The following MECOM variants were observed in gnomAD, a reference collection of about 807,000 sequenced individuals.
MECOM encodes MDS1 and EVI1 complex locus, also known as histone-lysine N-methyltransferase MECOM.
A neutral mutation model predicts 116.3 loss-of-function variants in MECOM; 13 were observed. The ratio of observed to expected loss-of-function variants is 0.11; its 90% CI spans 0.07 to 0.18. MECOM has a LOEUF of 0.18. Ranked by LOEUF, MECOM falls within the 10% of genes least tolerant of loss-of-function variation. The probability of loss-of-function intolerance (pLI) is 1.00; values close to 1 mark genes in which losing one functional copy is unlikely to be tolerated. For synonymous variants in MECOM, 528 were observed against 535.2 expected (o/e 0.99, Z 0.19); for missense variants, 1,299 against 1,509.0 (o/e 0.86, Z 2.31).
chr3:169,579,667 A>G (rs1764890417), intron 1 of MECOM, among the ~76,000 whole-genome samples: 1 of 152,240 alleles, frequency 6.6e-6, no homozygotes, highest in African/African-American at 2.4e-5. Flanking sequence ...AAGGGAAGAA[A>G]GCACAAAGTA....
chr3:169,638,618 T>G (rs1773097263), intron 1 of MECOM, among the ~76,000 whole-genome samples: 1 of 152,192 alleles, frequency 6.6e-6, no homozygotes, highest in African/African-American at 2.4e-5. Flanking sequence ...TAATAGGCAA[T>G]GGAGGGCTCA....
intron 3 of MECOM, among the ~76,000 whole-genome samples, chr3:169,137,484 A>T (rs1736722383): frequency 1.3e-5 from 2 of 152,080 alleles, no homozygotes; most frequent in Non-Finnish European, 2.9e-5. Context: ...ACTGAACATA[A>T]ATTTGTTCAA....
At chr3:169,238,543 T>C (rs760924820) in intron 2 of MECOM, among the ~76,000 whole-genome samples, 8 of 152,068 alleles carry the variant, frequency 5.3e-5, no homozygotes, top group Non-Finnish European at 1.0e-4. Context: ...ACAGGAACCA[T>C]AAAACCAAAC....
rs566405811 is a variant in MECOM at position 169,620,676 on chromosome 3, C to T, written c.37+42660G>A. 4.6e-5 allele frequency among the ~76,000 whole-genome samples: 7 copies of T among 152,262 alleles called. 1 individual carries two copies. The South Asian group carries it at 1.5e-3, about 32-fold the overall frequency. On this transcript the variant is annotated intron_variant, in intron 1 of 16. Coordinates refer to ENST00000651503, the MANE Select transcript of MECOM (RefSeq NM_004991.4). ...CTAGTGAGGGCAGAATATGAGAGGCCGATAATACCTATTGTTACCTTCGTC... is the reference window on the plus strand; with the variant it reads ...CTAGTGAGGGCAGAATATGAGAGGCTGATAATACCTATTGTTACCTTCGTC...
intron 2 of MECOM, among the ~76,000 whole-genome samples, chr3:169,333,777 C>A (rs922644249): frequency 6.6e-6 from 1 of 151,944 alleles, no homozygotes; most frequent in Non-Finnish European, 1.5e-5. Flanking sequence ...TTCTACATAA[C>A]AACTGTGCTT....
intron 2 of MECOM, among the ~76,000 whole-genome samples, chr3:169,371,097 C>T (rs1173605329): frequency 6.6e-6 from 1 of 151,832 alleles, no homozygotes; most frequent in Non-Finnish European, 1.5e-5. Context: ...TCAACAGTAG[C>T]CAAAATATAG....
intron 1 of MECOM, among the ~76,000 whole-genome samples, chr3:169,407,732 C>T (rs1341519771): frequency 6.6e-6 from 1 of 152,184 alleles, no homozygotes; most frequent in African/African-American, 2.4e-5. Context: ...AAATACCTGT[C>T]TATCTATCCA....
intron 1 of MECOM, among the ~76,000 whole-genome samples, chr3:169,599,448 G>T (rs1767557590): frequency 6.6e-6 from 1 of 150,928 alleles, no homozygotes; most frequent in African/African-American, 2.5e-5. Flanking sequence ...AGGAGGCGGA[G>T]GTTGCAGTGA....
chr3:169,266,012 T>A (rs1230581425), intron 2 of MECOM, among the ~76,000 whole-genome samples: 1 of 152,214 alleles, frequency 6.6e-6, no homozygotes, highest in African/African-American at 2.4e-5. Context: ...CTACTCTGAA[T>A]CCTGTCAAGA....
intron 2 of MECOM, among the ~76,000 whole-genome samples, chr3:169,311,289 A>G (rs937241008): frequency 6.6e-6 from 1 of 152,228 alleles, no homozygotes; most frequent in Non-Finnish European, 1.5e-5. Context: ...TAAGAGAAAA[A>G]AAACTTGGTA....
intron 1 of MECOM, among the ~76,000 whole-genome samples, chr3:169,403,336 G>A (rs937271768): frequency 6.6e-6 from 1 of 152,084 alleles, no homozygotes; most frequent in African/African-American, 2.4e-5. Flanking sequence ...GTAGAAGTTG[G>A]GTTTTATTTA....
At chr3:169,534,713 A>C (rs1240209621) in intron 1 of MECOM, among the ~76,000 whole-genome samples, 1 of 152,198 alleles carries the variant, frequency 6.6e-6, no homozygotes, top group Non-Finnish European at 1.5e-5. Flanking sequence ...TCTACCAACT[A>C]ACACATGCAA....
intron 1 of MECOM, among the ~76,000 whole-genome samples, chr3:169,584,795 T>C (rs147518315): frequency 2.6e-5 from 4 of 152,214 alleles, no homozygotes; most frequent in African/African-American, 9.6e-5. Flanking sequence ...AAAGACTATA[T>C]ATAAAGTGGT....
chr3:169,558,407 C>T (rs1762276615), intron 1 of MECOM, among the ~76,000 whole-genome samples: 1 of 152,192 alleles, frequency 6.6e-6, no homozygotes, highest in Non-Finnish European at 1.5e-5. Flanking sequence ...TCATGGAACC[C>T]TCACCAGTAG....
At chr3:169,495,032 C>A (rs1753643355) in intron 1 of MECOM, among the ~76,000 whole-genome samples, 1 of 152,162 alleles carries the variant, frequency 6.6e-6, no homozygotes, top group South Asian at 2.1e-4. Context: ...CATTTGGTCA[C>A]CATGCTTCTC....
At chr3:169,229,337 C>T (rs1753105744) in intron 2 of MECOM, among the ~76,000 whole-genome samples, 2 of 152,164 alleles carry the variant, frequency 1.3e-5, no homozygotes, top group African/African-American at 4.8e-5. Flanking sequence ...AAATAAGTCA[C>T]AAGAGCATCT....
At chr3:169,201,548 G>C (rs562746865) in intron 2 of MECOM, among the ~76,000 whole-genome samples, 11 of 152,066 alleles carry the variant, frequency 7.2e-5, no homozygotes, top group African/African-American at 2.2e-4. Flanking sequence ...AAAGGAAGAG[G>C]GTTCCAATCA....
chr3:169,475,405 A>G (rs1750192302), intron 1 of MECOM, among the ~76,000 whole-genome samples: 1 of 152,176 alleles, frequency 6.6e-6, no homozygotes, highest in South Asian at 2.1e-4. Context: ...AAAACTGGGC[A>G]CAGGATGTTT....
In MECOM at chr3:169,188,515, C is replaced by T. The variant is rs140949247; in HGVS notation, c.376-44683G>A. Among the ~76,000 whole-genome samples, 942 of 152,046 alleles carry T rather than the reference C, an allele frequency of 6.2e-3. 11 individuals carry two copies. The highest frequency in any genetic ancestry group is 0.02 in the African/African-American group (837 of 41,496). On this transcript the variant is annotated intron_variant, in intron 2 of 16. Coordinates refer to ENST00000651503, the MANE Select transcript of MECOM (RefSeq NM_004991.4). ...CCGAGGGGTAATTACAGGTCTTTGT[C>T]TTAATATGGAAAAATAACTATGATG...
Sources: gnomAD v4.1 joint callset for allele counts (sites outside exome capture counted in the v4.1 genomes callset) on GRCh38, gnomAD v4.1.1 for gene constraint, MANE v1.5 for transcripts, NCBI Gene and HGNC (gene_info 2026-07-23, HGNC 2026-07-21) for gene names.